Variants in COL22A1 observed in about 807,000 individuals in gnomAD.
The protein encoded by COL22A1 is collagen type XXII alpha 1 chain, also known as collagen alpha-1(XXII) chain.
COL22A1 carries 221 observed loss-of-function variants against 248.9 expected under a neutral mutation model. The ratio of observed to expected loss-of-function variants is 0.89; its 90% CI spans 0.80 to 0.99. The LOEUF (loss-of-function observed/expected upper bound fraction) is 0.99, where lower values mean the gene tolerates loss of function less well. Among genes scored for constraint, COL22A1 ranks in the 50% least tolerant of loss-of-function variants. The probability of loss-of-function intolerance (pLI) is 0.00; values close to 1 mark genes in which losing one functional copy is unlikely to be tolerated. For missense variants in COL22A1, 2,240 were observed against 2,179.0 expected (o/e 1.03, Z -0.56); for synonymous variants, 891 against 793.4 (o/e 1.12, Z -2.07).
chr8:138,758,514 C>G (rs1162979316), intron 18 of COL22A1, among the ~76,000 whole-genome samples: 1 of 152,180 alleles, frequency 6.6e-6, no homozygotes, highest in African/African-American at 2.4e-5. Context: ...AATGGACAGG[C>G]AGATAATATG....
At chr8:138,679,697 C>T (rs567343856) in intron 39 of COL22A1, 21 bp from the exon 40 acceptor site, 27 of 1,610,678 alleles carry the variant, frequency 1.7e-5, no homozygotes, top group African/African-American at 8.0e-5. Context: ...AAAATCTTCA[C>T]TCATTTCTTC....
intron 55 of COL22A1, among the ~76,000 whole-genome samples, chr8:138,614,680 C>G (rs1321609825): frequency 6.6e-6 from 1 of 151,698 alleles, no homozygotes; most frequent in Non-Finnish European, 1.5e-5. Flanking sequence ...TGGACTGTAT[C>G]ACGATTCTCA....
At chr8:138,634,030 T>A (rs1820941319) in intron 49 of COL22A1, among the ~76,000 whole-genome samples, 1 of 152,168 alleles carries the variant, frequency 6.6e-6, no homozygotes, top group African/African-American at 2.4e-5. Context: ...TAATTTACCT[T>A]TTTGTGAGTT....
At chr8:138,874,847 C>A (rs762261550) in intron 3 of COL22A1, among the ~76,000 whole-genome samples, 2 of 152,136 alleles carry the variant, frequency 1.3e-5, no homozygotes, top group Non-Finnish European at 2.9e-5. Flanking sequence ...TGTGGTCTGG[C>A]AAGAGAACTG....
intron 12 of COL22A1, among the ~76,000 whole-genome samples, chr8:138,791,094 A>T (rs970749212): frequency 1.3e-5 from 2 of 152,188 alleles, no homozygotes; most frequent in African/African-American, 4.8e-5. Flanking sequence ...TTTTCCATGA[A>T]ATGGGCATAA....
At chr8:138,908,665 G>T (rs746393787) in intron 1 of COL22A1, among the ~76,000 whole-genome samples, 7 of 152,152 alleles carry the variant, frequency 4.6e-5, no homozygotes, top group Non-Finnish European at 1.0e-4. Flanking sequence ...TTCACAGGAG[G>T]AAAGGATCTA....
chr8:138,725,892 G>A (rs539536137), intron 23 of COL22A1, among the ~76,000 whole-genome samples: 1 of 152,160 alleles, frequency 6.6e-6, no homozygotes, highest in Non-Finnish European at 1.5e-5. Context: ...ATCACCAGGG[G>A]TGAGTAAAAA....
chr8:138,606,767 C>G (rs1283733122), intron 57 of COL22A1, among the ~76,000 whole-genome samples: 2 of 152,106 alleles, frequency 1.3e-5, no homozygotes, highest in African/African-American at 4.8e-5. Context: ...AAGGAGTGCT[C>G]TAGTGAGATG....
intron 1 of COL22A1, among the ~76,000 whole-genome samples, chr8:138,890,006 C>T (rs1389754002): frequency 1.3e-5 from 2 of 152,058 alleles, no homozygotes; most frequent in Admixed American, 6.6e-5. Context: ...AAATCAAATT[C>T]GGGCAGCATA....
At chr8:138,800,115 T>G (rs1816872472) in intron 11 of COL22A1, among the ~76,000 whole-genome samples, 1 of 152,228 alleles carries the variant, frequency 6.6e-6, no homozygotes, top group South Asian at 2.1e-4. Flanking sequence ...AGCTGGGAGC[T>G]GGGACCATGG....
chr8:138,877,694 G>T, intron 3 of COL22A1, 56 bp downstream of exon 3: 1 of 1,486,544 alleles, frequency 6.7e-7, no homozygotes, highest in South Asian at 1.4e-5. Flanking sequence ...CCTCCCGTGG[G>T]CTCAGCAGGG....
chr8:138,646,909 G>C (rs1226395654), intron 46 of COL22A1, among the ~76,000 whole-genome samples: 2 of 152,134 alleles, frequency 1.3e-5, no homozygotes, highest in Non-Finnish European at 2.9e-5. Context: ...ATGGTTAGTT[G>C]GTGTGTCTCC....
intron 7 of COL22A1, among the ~76,000 whole-genome samples, chr8:138,815,859 C>T (rs939695964): frequency 1.3e-5 from 2 of 152,068 alleles, no homozygotes; most frequent in African/African-American, 4.8e-5. Flanking sequence ...TGCAAAGTGC[C>T]CTGGACTGAC....
intron 3 of COL22A1, among the ~76,000 whole-genome samples, chr8:138,870,779 G>C (rs1378822633): frequency 6.6e-6 from 1 of 151,588 alleles, no homozygotes; most frequent in African/African-American, 2.4e-5. Context: ...TGGTGTGTGT[G>C]GTATGTGTAG....
At chr8:138,840,248 G>C (rs1820781332) in intron 4 of COL22A1, among the ~76,000 whole-genome samples, 1 of 152,130 alleles carries the variant, frequency 6.6e-6, no homozygotes, top group Non-Finnish European at 1.5e-5. Context: ...TTTCGGGGCT[G>C]GTTATAATTA....
At position 138,807,791 on chromosome 8, in the gene COL22A1, G is replaced by A. The variant is rs1199139417; in HGVS notation, c.1471C>T (p.Pro491Ser). The part of the protein sequence containing the change: ...GEKGEMGVAG[P>S]MGLPGPKGDI... ...ACCTTTGGACCAGGGAGCCCCATGGGGCCAGCAACTCCCATTTCACCCTAA... is the reference window on the plus strand; with the variant it reads ...ACCTTTGGACCAGGGAGCCCCATGGAGCCAGCAACTCCCATTTCACCCTAA... Residue 491 changes from proline (P) to serine (S), a missense_variant, in exon 10 of 65, where the codon CCC becomes TCC. Transcript: ENST00000303045. The A allele has an allele frequency of 6.2e-7, 1 of 1,613,912 alleles. No homozygotes were observed. Among genetic ancestry groups the A allele is most frequent in the Non-Finnish European group, 8.5e-7 (1 of 1,179,914 alleles).
At chr8:138,653,605 G>A (rs1296962095) in intron 45 of COL22A1, among the ~76,000 whole-genome samples, 1 of 152,046 alleles carries the variant, frequency 6.6e-6, no homozygotes, top group Non-Finnish European at 1.5e-5. Flanking sequence ...TGACCTCCAT[G>A]GGCACAGATC....
intron 51 of COL22A1, among the ~76,000 whole-genome samples, chr8:138,625,361 G>A (rs1197874289): frequency 6.6e-6 from 1 of 152,132 alleles, no homozygotes; most frequent in East Asian, 1.9e-4. Flanking sequence ...ACAAAAGAAG[G>A]CACAGTGGAG....
At chr8:138,729,511 T>G (rs1830557683) in intron 23 of COL22A1, among the ~76,000 whole-genome samples, 2 of 152,148 alleles carry the variant, frequency 1.3e-5, no homozygotes, top group South Asian at 4.1e-4. Flanking sequence ...TACCCAGTCA[T>G]TAAACCTAGC....
Sources: gnomAD v4.1 joint callset for allele counts (sites outside exome capture counted in the v4.1 genomes callset) on GRCh38, gnomAD v4.1.1 for gene constraint, MANE v1.5 for transcripts, NCBI Gene and HGNC (gene_info 2026-07-23, HGNC 2026-07-21) for gene names.